Variants in NUBPL observed in about 807,000 individuals in gnomAD.
NUBPL encodes the protein NUBP iron-sulfur cluster assembly factor, mitochondrial, also known as iron-sulfur cluster transfer protein NUBPL.
Under a neutral mutation model 45.7 loss-of-function variants are expected in NUBPL, and 31 were observed. The ratio of observed to expected loss-of-function variants is 0.68; its 90% CI spans 0.51 to 0.92. The LOEUF is 0.92. Ranked by LOEUF, NUBPL falls within the 40% of genes least tolerant of loss-of-function variation. NUBPL has a pLI of 0.00. For synonymous variants in NUBPL, 144 were observed against 140.9 expected, an observed-to-expected ratio of 1.02 and a Z score of -0.15; for missense variants, 401 against 398.7, an observed-to-expected ratio of 1.01 and a Z score of -0.05.
At chr14:31,669,798 T>TTTG (rs2036527561) in intron 4 of NUBPL, among the ~76,000 whole-genome samples, 2 of 17,576 alleles carry the variant, frequency 1.1e-4, no homozygotes, top group African/African-American at 1.9e-4. Flanking sequence ...ATGATCTTGG[T>TTTG]TTTTTTTTTT....
At chr14:31,760,450 G>T (rs991454526) in intron 6 of NUBPL, among the ~76,000 whole-genome samples, 4 of 151,950 alleles carry the variant, frequency 2.6e-5, no homozygotes, top group African/African-American at 9.7e-5. Flanking sequence ...ACTGCACCTG[G>T]CCTTACTGCA....
intron 4 of NUBPL, among the ~76,000 whole-genome samples, chr14:31,644,384 T>C (rs556082466): frequency 6.6e-6 from 1 of 152,264 alleles, no homozygotes; most frequent in South Asian, 2.1e-4. Context: ...ATTTTTAAAT[T>C]TTCTTCTTAA....
At chr14:31,606,989 C>A (rs958240350) in intron 4 of NUBPL, among the ~76,000 whole-genome samples, 1 of 152,050 alleles carries the variant, frequency 6.6e-6, no homozygotes, top group African/African-American at 2.4e-5. Context: ...TTATTTTGTT[C>A]TTTAAAGGGG....
intron 4 of NUBPL, among the ~76,000 whole-genome samples, chr14:31,651,256 C>T (rs753423662): frequency 6.6e-6 from 1 of 152,148 alleles, no homozygotes; most frequent in Non-Finnish European, 1.5e-5. Flanking sequence ...CCTCAGCCAA[C>T]TGAGTAGCTG....
At chr14:31,701,396 A>G (rs900553256) in intron 6 of NUBPL, among the ~76,000 whole-genome samples, 1 of 152,226 alleles carries the variant, frequency 6.6e-6, no homozygotes, top group African/African-American at 2.4e-5. Flanking sequence ...TGTAAAATGG[A>G]CCAATCAGCA....
chr14:31,786,494 C>A (rs1484158621), intron 6 of NUBPL, among the ~76,000 whole-genome samples: 1 of 152,128 alleles, frequency 6.6e-6, no homozygotes, highest in Non-Finnish European at 1.5e-5. Flanking sequence ...CTTCACAGGG[C>A]TTCTTGTATT....
At chr14:31,672,805 C>T (rs1048747629) in intron 4 of NUBPL, among the ~76,000 whole-genome samples, 1 of 152,170 alleles carries the variant, frequency 6.6e-6, no homozygotes, top group Non-Finnish European at 1.5e-5. Flanking sequence ...TATGTCCCAA[C>T]TATTTATCAA....
intron 3 of NUBPL, among the ~76,000 whole-genome samples, chr14:31,593,580 A>G (rs1194816772): frequency 6.6e-6 from 1 of 151,744 alleles, no homozygotes; most frequent in Non-Finnish European, 1.5e-5. Flanking sequence ...CCTGGAACCA[A>G]TGCCCTGCAG....
chr14:31,710,890 C>T (rs374778366), intron 6 of NUBPL, among the ~76,000 whole-genome samples: 3 of 152,174 alleles, frequency 2.0e-5, no homozygotes, highest in South Asian at 4.1e-4. Flanking sequence ...AAAATTATGT[C>T]TTTCTGATTG....
chr14:31,588,913 C>CAAA (rs5807627), intron 3 of NUBPL, among the ~76,000 whole-genome samples: 5 of 121,758 alleles, frequency 4.1e-5, no homozygotes, highest in Admixed American at 8.3e-5. Flanking sequence ...GACTCCGTCT[C>CAAA]AAAAAAAAAA....
chr14:31,638,418 C>T (rs1016294239), intron 4 of NUBPL, among the ~76,000 whole-genome samples: 3 of 151,564 alleles, frequency 2.0e-5, no homozygotes, highest in African/African-American at 7.3e-5. Flanking sequence ...ATATTGGCCC[C>T]CACTCTCTTC....
At chr14:31,778,280 T>C (rs192441409) in intron 6 of NUBPL, among the ~76,000 whole-genome samples, 55 of 152,290 alleles carry the variant, frequency 3.6e-4, no homozygotes, top group Middle Eastern at 3.4e-3. Context: ...AGAAGTCCTT[T>C]CCCAGGAGGT....
At chr14:31,813,238 C>T (rs937322381) in intron 7 of NUBPL, among the ~76,000 whole-genome samples, 3 of 152,078 alleles carry the variant, frequency 2.0e-5, no homozygotes, top group South Asian at 2.1e-4. Context: ...CTGCCTTCCT[C>T]GGCCTCCCGA....
chr14:31,778,441 G>A (rs1465741438), intron 6 of NUBPL, among the ~76,000 whole-genome samples: 1 of 152,226 alleles, frequency 6.6e-6, no homozygotes, highest in Non-Finnish European at 1.5e-5. Context: ...CTAGGGCCAA[G>A]GCAGGCTAAA....
intron 7 of NUBPL, among the ~76,000 whole-genome samples, chr14:31,810,424 A>C (rs2039778446): frequency 6.6e-6 from 1 of 152,034 alleles, no homozygotes; most frequent in South Asian, 2.1e-4. Flanking sequence ...GTTTTATCAG[A>C]GTCTAGGATT....
Position 31,840,956 on chromosome 14 carries a change from G to A in NUBPL, c.694-5515G>A, listed in dbSNP as rs530797276. Among the ~76,000 whole-genome samples the A allele has an allele frequency of 4.6e-5, 7 of 152,272 alleles. No homozygotes were observed. In the East Asian group the frequency reaches 1.3e-3, roughly 29 times the overall value. On this transcript the variant is annotated intron_variant, in intron 8 of 10. Coordinates refer to ENST00000281081, the MANE Select transcript of NUBPL (RefSeq NM_025152.3). Reference sequence around the variant, plus strand: ...CAAACAGAATAATATAGTGTTATACGTTTGTGTGTCCGGTTTATTTTGTTT... The same window carrying A: ...CAAACAGAATAATATAGTGTTATACATTTGTGTGTCCGGTTTATTTTGTTT...
chr14:31,675,538 G>A (rs942874310), intron 6 of NUBPL, among the ~76,000 whole-genome samples: 1 of 152,148 alleles, frequency 6.6e-6, no homozygotes, highest in Non-Finnish European at 1.5e-5. Flanking sequence ...ATATACAGAA[G>A]AATGTACAAA....
chr14:31,719,179 A>G (rs1194728377), intron 6 of NUBPL, among the ~76,000 whole-genome samples: 1 of 152,090 alleles, frequency 6.6e-6, no homozygotes, highest in East Asian at 1.9e-4. Flanking sequence ...CTGGGAACTG[A>G]TTTGTTGCTG....
intron 4 of NUBPL, among the ~76,000 whole-genome samples, chr14:31,670,123 C>T (rs567651289): frequency 6.6e-5 from 10 of 152,164 alleles, no homozygotes; most frequent in East Asian, 1.9e-4. Context: ...GCCTTTTCCC[C>T]GTAACATTGC....
Sources: gnomAD v4.1 joint callset for allele counts (sites outside exome capture counted in the v4.1 genomes callset) on GRCh38, gnomAD v4.1.1 for gene constraint, MANE v1.5 for transcripts, NCBI Gene and HGNC (gene_info 2026-07-23, HGNC 2026-07-21) for gene names.